The following CACNA1B variants were observed in gnomAD, a reference collection of about 807,000 sequenced individuals.
CACNA1B encodes the protein calcium voltage-gated channel subunit alpha1 B, also known as voltage-dependent N-type calcium channel subunit alpha-1B.
CACNA1B carries 70 observed loss-of-function variants against 247.2 expected under a neutral mutation model. That is an observed-to-expected ratio of 0.28 (90% CI 0.23 to 0.35). The LOEUF is 0.35. Ranked by LOEUF, CACNA1B falls within the 10% of genes least tolerant of loss-of-function variation. CACNA1B has a pLI of 1.00. For missense variants in CACNA1B, 2,367 were observed against 3,197.4 expected (o/e 0.74, Z 6.26); for synonymous variants, 1,231 against 1,294.4 (o/e 0.95, Z 1.05).
chr9:138,016,632 C>T (rs1045429917), intron 18 of CACNA1B, among the ~76,000 whole-genome samples: 11 of 151,844 alleles, frequency 7.2e-5, no homozygotes, highest in Non-Finnish European at 1.3e-4. Context: ...TGTTAGCCTA[C>T]GCTGCCCCAT....
intron 3 of CACNA1B, among the ~76,000 whole-genome samples, chr9:137,884,475 G>GCTCCCACATCCAGTGGGCA (rs1956974794): frequency 6.9e-6 from 1 of 145,074 alleles, no homozygotes; most frequent in East Asian, 2.0e-4. Context: ...AGGACTGGGC[G>GCTCCCACATCCAGTGGGCA]CTCCCACATC....
At chr9:138,110,638 G>A (rs891442233) in intron 39 of CACNA1B, among the ~76,000 whole-genome samples, 5 of 152,204 alleles carry the variant, frequency 3.3e-5, no homozygotes, top group East Asian at 1.9e-4. Flanking sequence ...AGGCTACGGC[G>A]GAAGGATTGC....
At chr9:138,098,532 G>A (rs1961135693) in intron 37 of CACNA1B, among the ~76,000 whole-genome samples, 1 of 152,200 alleles carries the variant, frequency 6.6e-6, no homozygotes, top group Admixed American at 6.5e-5. Context: ...CCTGTGAGAG[G>A]ATGACAACAT....
intron 20 of CACNA1B, among the ~76,000 whole-genome samples, chr9:138,026,330 C>T (rs1958920646): frequency 6.6e-6 from 1 of 152,156 alleles, no homozygotes; most frequent in Non-Finnish European, 1.5e-5. Flanking sequence ...TGCCCAGCTC[C>T]CTCACCTGAT....
rs1395557202 is a variant in CACNA1B, at chr9:137,899,472, C to T, written c.531-13708C>T. The stretch of plus-strand genomic sequence containing the variant: ...TCCCTGGCTTGTAGTAATGGCTCAC[C>T]GCTGTCGTGTGTGTGCTTGGGGTTG... On this transcript the variant is annotated intron_variant, in intron 3 of 46. Coordinates refer to ENST00000371372, the MANE Select transcript of CACNA1B (RefSeq NM_000718.4). The surrounding 1 kb of genome is among the most constrained non-coding windows in gnomAD (Gnocchi z 5.0). Among the ~76,000 whole-genome samples the T allele has an allele frequency of 1.3e-5, 2 of 152,138 alleles. No homozygotes were observed. Among genetic ancestry groups the T allele is most frequent in the East Asian group, 1.9e-4 (1 of 5,188 alleles).
chr9:137,933,079 C>T (rs998467334), intron 6 of CACNA1B, among the ~76,000 whole-genome samples: 8 of 152,216 alleles, frequency 5.3e-5, no homozygotes, highest in South Asian at 2.1e-4. Context: ...ACTACAGGCG[C>T]GTGCCACCAC....
intron 6 of CACNA1B, among the ~76,000 whole-genome samples, chr9:137,921,261 C>T (rs143856714): frequency 6.6e-6 from 1 of 152,362 alleles, no homozygotes; most frequent in East Asian, 1.9e-4. Context: ...CACGACCACA[C>T]AGCATCCCGG....
At chr9:138,101,313 C>T (rs961520329) in intron 37 of CACNA1B, 13 of 453,142 alleles carry the variant, frequency 2.9e-5, no homozygotes, top group Admixed American at 7.1e-5. Flanking sequence ...TCCTCCTGTC[C>T]TGCCCCGCAC....
intron 20 of CACNA1B, among the ~76,000 whole-genome samples, chr9:138,025,573 C>T (rs149766204): frequency 1.3e-5 from 2 of 152,250 alleles, no homozygotes; most frequent in Admixed American, 6.5e-5. Flanking sequence ...GGGCTGAGAG[C>T]GAGGGGCTGC....
intron 37 of CACNA1B, among the ~76,000 whole-genome samples, chr9:138,099,374 ATGTG>A (rs1961170566): frequency 6.6e-6 from 1 of 152,022 alleles, no homozygotes; most frequent in Non-Finnish European, 1.5e-5. Flanking sequence ...AGTGAACTGA[ATGTG>A]CGTGCATGCC....
At chr9:138,115,817 G>T in intron 42 of CACNA1B, 138 bp downstream of exon 42, 1 of 852,994 alleles carries the variant, frequency 1.2e-6, no homozygotes, top group Non-Finnish European at 1.8e-6. Flanking sequence ...GGAGGCACCT[G>T]AGGGGCGTGT....
At chr9:137,978,758 C>T (rs577549735) in intron 12 of CACNA1B, among the ~76,000 whole-genome samples, 31 of 152,284 alleles carry the variant, frequency 2.0e-4, no homozygotes, top group African/African-American at 6.3e-4. Flanking sequence ...CTGATGATAA[C>T]GGCAGACATT....
intron 21 of CACNA1B, among the ~76,000 whole-genome samples, chr9:138,044,549 G>A (rs936769655): frequency 7.9e-5 from 12 of 152,258 alleles, no homozygotes; most frequent in Non-Finnish European, 1.3e-4. Context: ...TGGAGATGCG[G>A]ACCATTGGGT....
At position 138,010,456 on chromosome 9, in the gene CACNA1B, A is replaced by C. The variant is rs1366530023; in HGVS notation, c.2160+379A>C. On this transcript the variant is annotated intron_variant, in intron 17 of 46. Transcript: ENST00000371372. This position sits in a 1 kb window ranked among gnomAD's most constrained non-coding sequence, Gnocchi z 5.3. Reference sequence around the variant, plus strand: ...CTCAGCGGGTGCCATTTTAATATTCATCTCATCCCTGAGCCTGGTGGGGGA... The same window carrying C: ...CTCAGCGGGTGCCATTTTAATATTCCTCTCATCCCTGAGCCTGGTGGGGGA... 6.6e-6 allele frequency among the ~76,000 whole-genome samples: 1 copy of C among 152,084 alleles called. No homozygotes were observed. Among genetic ancestry groups the C allele is most frequent in the Admixed American group, 6.5e-5 (1 of 15,284 alleles).
rs112959757 is a variant in CACNA1B at position 137,973,874 on chromosome 9, C to T, written c.1544-2033C>T. On this transcript the variant is annotated intron_variant, in intron 11 of 46. Coordinates refer to ENST00000371372, the MANE Select transcript of CACNA1B (RefSeq NM_000718.4). The surrounding 1 kb of genome is among the most constrained non-coding windows in gnomAD (Gnocchi z 4.1). The stretch of plus-strand genomic sequence containing the variant: ...AGATCTCTTTCTCTGAAAGTTTTAC[C>T]GTTTGCATTTCTTGTACTTGTTCCT... 9.0e-3 allele frequency among the ~76,000 whole-genome samples: 1,373 copies of T among 152,278 alleles called. 7 individuals are homozygous for T. Among genetic ancestry groups the T allele is most frequent in the South Asian group, 0.012 (60 of 4,822 alleles).
chr9:138,062,755 T>TGG (rs1446354097), intron 31 of CACNA1B, among the ~76,000 whole-genome samples: 1 of 152,234 alleles, frequency 6.6e-6, no homozygotes, highest in African/African-American at 2.4e-5. Flanking sequence ...TCAAGGACCC[T>TGG]GGGGGTTGCT....
chr9:137,990,346 C>G lies in CACNA1B; in HGVS notation c.1974+3492C>G, dbSNP rs763850420. 3.9e-5 allele frequency among the ~76,000 whole-genome samples: 6 copies of G among 152,078 alleles called. No individual in the cohort carries two copies. The highest frequency in any genetic ancestry group is 6.5e-5 in the Admixed American group (1 of 15,270). ...AGCTCAGACACCCTATTCCTGCCCC[C>G]ACCTGGTGGTCTTTCTCTACCCACC... On this transcript the variant is annotated intron_variant, in intron 15 of 46. Transcript: ENST00000371372. The surrounding 1 kb of genome is among the most constrained non-coding windows in gnomAD (Gnocchi z 4.5).
intron 15 of CACNA1B, among the ~76,000 whole-genome samples, chr9:137,997,468 C>G (rs1319567620): frequency 1.3e-5 from 2 of 152,150 alleles, no homozygotes; most frequent in Non-Finnish European, 2.9e-5. Flanking sequence ...GGATTCCTAC[C>G]TTGTACCAAG....
intron 3 of CACNA1B, among the ~76,000 whole-genome samples, chr9:137,884,762 C>T (rs1470037554): frequency 2.9e-4 from 44 of 151,992 alleles, no homozygotes; most frequent in African/African-American, 9.2e-4. Flanking sequence ...CTGAGTGTGT[C>T]GGCCCTTGAG....
Sources: allele counts gnomAD v4.1 joint callset (sites outside exome capture counted in the v4.1 genomes callset), GRCh38; gene constraint gnomAD v4.1.1; non-coding constraint Gnocchi (gnomAD v3.1); transcripts MANE v1.5; gene names NCBI Gene and HGNC (gene_info 2026-07-23, HGNC 2026-07-21).